Variants in CELF5 observed in about 807,000 individuals in gnomAD.
CELF5 encodes the protein CUG-BP and ETR-3 like factor 5.
In CELF5, 6 loss-of-function variants were observed where a neutral mutation model predicts 54.9. That is an observed-to-expected ratio of 0.11 (90% CI 0.06 to 0.22). CELF5 has a LOEUF of 0.22. Ranked by LOEUF, CELF5 falls within the 10% of genes least tolerant of loss-of-function variation. The probability of loss-of-function intolerance (pLI) is 1.00; values close to 1 mark genes in which losing one functional copy is unlikely to be tolerated. For synonymous variants in CELF5, 271 were observed against 290.9 expected (o/e 0.93, Z 0.70); for missense variants, 401 against 678.6 (o/e 0.59, Z 4.54).
In CELF5 at chr19:3,239,269, G is replaced by GT. The variant is rs1027454834; in HGVS notation, c.260-11706dup. 6.9e-3 allele frequency among the ~76,000 whole-genome samples: 1,009 copies of GT among 146,872 alleles called. 1 individual carries two copies. Among genetic ancestry groups the GT allele is most frequent in the Non-Finnish European group, 0.01 (689 of 66,294 alleles). On this transcript the variant is annotated intron_variant, in intron 1 of 12. Transcript: ENST00000292672. ...TGTGAACCACCACACCCAGCTGTTT[G>GT]TTTTTTTTTTATTAGAGACAAAGTC...
intron 2 of CELF5, among the ~76,000 whole-genome samples, chr19:3,264,238 A>C (rs8100695): frequency 0.42 from 64,154 of 151,142 alleles, 14,997 homozygotes; most frequent in East Asian, 0.94. Flanking sequence ...GTGACACCCC[A>C]TCTGAAAAAA....
At chr19:3,289,922 G>A (rs2080315393) in intron 10 of CELF5, among the ~76,000 whole-genome samples, 1 of 152,036 alleles carries the variant, frequency 6.6e-6, no homozygotes, top group Non-Finnish European at 1.5e-5. Flanking sequence ...GGTATCTGGG[G>A]TCAGAGATTG....
chr19:3,296,732 T>TA, intron 12 of CELF5, 26 bp from the exon 13 acceptor site: 1 of 152,262 alleles, frequency 6.6e-6, no homozygotes, highest in East Asian at 1.9e-4. Context: ...TGGCTGTAAA[T>TA]ACCATTTTTA....
intron 2 of CELF5, 69 bp downstream of exon 2, chr19:3,251,136 G>C: frequency 8.5e-7 from 1 of 1,183,018 alleles, no homozygotes; most frequent in East Asian, 2.3e-5. Flanking sequence ...GGGAGCCAAG[G>C]CTCTTCCTGA....
chr19:3,229,336 C>G (rs1303627630), intron 1 of CELF5, among the ~76,000 whole-genome samples: 1 of 152,190 alleles, frequency 6.6e-6, no homozygotes, highest in East Asian at 1.9e-4. Context: ...TCCCTACCCC[C>G]CATCCAGACC....
intron 1 of CELF5, among the ~76,000 whole-genome samples, chr19:3,227,721 G>A (rs1382476353): frequency 6.6e-6 from 1 of 152,052 alleles, no homozygotes; most frequent in Non-Finnish European, 1.5e-5. Context: ...GAGTGACAGC[G>A]CATTTCTGGG....
intron 8 of CELF5, among the ~76,000 whole-genome samples, chr19:3,284,073 C>T (rs2080194332): frequency 6.6e-6 from 1 of 152,002 alleles, no homozygotes; most frequent in Admixed American, 6.6e-5. Context: ...TCTCGAAACT[C>T]CTGGGCTCAA....
chr19:3,285,062 C>T, intron 9 of CELF5, 98 bp downstream of exon 9: 1 of 920,484 alleles, frequency 1.1e-6, no homozygotes, highest in South Asian at 1.5e-5. Flanking sequence ...TCTTCTGTGC[C>T]TAGCCGCGCC....
At chr19:3,239,778 C>A (rs2079465678) in intron 1 of CELF5, among the ~76,000 whole-genome samples, 3 of 151,792 alleles carry the variant, frequency 2.0e-5, no homozygotes, top group Admixed American at 1.3e-4. Flanking sequence ...TTCTCCCATA[C>A]TGACCTTGAC....
chr19:3,256,203 A>G (rs1232123618), intron 2 of CELF5, among the ~76,000 whole-genome samples: 1 of 152,098 alleles, frequency 6.6e-6, no homozygotes, highest in Non-Finnish European at 1.5e-5. Context: ...CCCACCCCTA[A>G]AGTATTCGTG....
At chr19:3,276,827 G>T (rs1161382559) in intron 4 of CELF5, among the ~76,000 whole-genome samples, 4 of 135,874 alleles carry the variant, frequency 2.9e-5, no homozygotes, top group Non-Finnish European at 6.3e-5. Flanking sequence ...GCTTCTCCAG[G>T]TGCTGCCTGT....
rs189756309 is a variant in CELF5 at position 3,265,062 on chromosome 19, C to T, written c.343-8810C>T. Among the ~76,000 whole-genome samples the T allele has an allele frequency of 1.3e-3, 194 of 152,244 alleles. 2 individuals are homozygous for T. The highest frequency in any genetic ancestry group is 3.9e-3 in the African/African-American group (162 of 41,564). ...CGAGATTTATCTATGGAAGGCCGGG[C>T]GCAGTGGCTCACACCTGTAATCCCG... On this transcript the variant is annotated intron_variant, in intron 2 of 12. Coordinates refer to ENST00000292672, the MANE Select transcript of CELF5 (RefSeq NM_021938.4).
intron 2 of CELF5, among the ~76,000 whole-genome samples, chr19:3,255,970 C>T (rs138152290): frequency 0.016 from 2,418 of 151,704 alleles, 62 homozygotes; most frequent in African/African-American, 0.056. Flanking sequence ...GAGGCTGAGG[C>T]AGGAGAATCA....
intron 12 of CELF5, chr19:3,293,743 A>C: frequency 2.9e-6 from 1 of 346,800 alleles, no homozygotes; most frequent in Non-Finnish European, 5.4e-6. Context: ...CGGTTAGGGA[A>C]TCCTTCCCGG....
rs2080172086 is a variant in CELF5, at chr19:3,282,615, G to C, written c.1039+117G>C. The C allele has an allele frequency of 8.3e-7, 1 of 1,204,390 alleles. No individual in the cohort carries two copies. Among genetic ancestry groups the C allele is most frequent in the East Asian group, 2.4e-5 (1 of 41,832 alleles). The allele number at this position is 1,204,390 out of a possible 1,614,324, so 74.6% of individuals were successfully genotyped here. On this transcript the variant is annotated intron_variant, in intron 8 of 12. Transcript: ENST00000292672. This position sits in a 1 kb window ranked among gnomAD's most constrained non-coding sequence, Gnocchi z 5.2. ...CCAGGGAACAGAAGGGCAGGAAAAA[G>C]GGTGTCTCCGCTGAGCAGATAAGAG...
Position 3,224,808 on chromosome 19 carries a change from C to G in CELF5, c.69C>G (p.Pro23=), listed in dbSNP as rs887656585. ...QQQLLQPRPS[P]VGSSGPEPPG... is the part of the protein sequence containing the mutation. ...AGCTCCTGCAGCCGCGGCCCTCGCC[C>G]GTGGGCAGCAGCGGGCCCGAGCCCC... The change falls in exon 1 of 13, where the codon CCC becomes CCG. Residue 23 remains proline (P), a synonymous_variant. Coordinates refer to ENST00000292672, the MANE Select transcript of CELF5 (RefSeq NM_021938.4). The G allele has an allele frequency of 6.5e-7, 1 of 1,548,636 alleles. No individual in the cohort carries two copies. The highest frequency in any genetic ancestry group is 8.7e-7 in the Non-Finnish European group (1 of 1,148,244).
Position 3,278,467 on chromosome 19 carries a change from G to A in CELF5, c.603+357G>A, listed in dbSNP as rs1387071724. On this transcript the variant is annotated intron_variant, in intron 5 of 12. Coordinates refer to ENST00000292672, the MANE Select transcript of CELF5 (RefSeq NM_021938.4). This position sits in a 1 kb window ranked among gnomAD's most constrained non-coding sequence, Gnocchi z 4.5. ...TTTGAGTGTGTCATTACTAGTAGGCGAGTGTTATGTGAGTGCTGTGTGCAC... is the reference window on the plus strand; with the variant it reads ...TTTGAGTGTGTCATTACTAGTAGGCAAGTGTTATGTGAGTGCTGTGTGCAC... Among the ~76,000 whole-genome samples the A allele has an allele frequency of 6.6e-6, 1 of 152,000 alleles. No homozygotes were observed. Among genetic ancestry groups the A allele is most frequent in the Non-Finnish European group, 1.5e-5 (1 of 68,000 alleles).
At position 3,282,971 on chromosome 19, in the gene CELF5, C is replaced by T. The variant is rs375726385; in HGVS notation, c.1039+473C>T. ...TCAGCCTCCCAAGTAGCTGGGATTA[C>T]AGGCGCATGCCACCATGCCCGGCTA... On this transcript the variant is annotated intron_variant, in intron 8 of 12. Transcript: ENST00000292672. This position sits in a 1 kb window ranked among gnomAD's most constrained non-coding sequence, Gnocchi z 5.2. Among the ~76,000 whole-genome samples, 1 of 152,214 alleles carries T rather than the reference C, an allele frequency of 6.6e-6. No homozygotes were observed. Among genetic ancestry groups the T allele is most frequent in the Admixed American group, 6.5e-5 (1 of 15,280 alleles).
intron 1 of CELF5, among the ~76,000 whole-genome samples, chr19:3,243,091 C>T (rs1388179270): frequency 6.6e-6 from 1 of 152,170 alleles, no homozygotes; most frequent in Non-Finnish European, 1.5e-5. Context: ...ATGCCAGCAG[C>T]TACTGCATAG....
Sources: allele counts gnomAD v4.1 joint callset (sites outside exome capture counted in the v4.1 genomes callset), GRCh38; gene constraint gnomAD v4.1.1; non-coding constraint Gnocchi (gnomAD v3.1); transcripts MANE v1.5; gene names NCBI Gene and HGNC (gene_info 2026-07-23, HGNC 2026-07-21).